Variants in TRAPPC9 observed in about 807,000 individuals in gnomAD.
TRAPPC9 encodes IKK2 binding protein.
Under a neutral mutation model 124.0 loss-of-function variants are expected in TRAPPC9, and 83 were observed. That is an observed-to-expected ratio of 0.67 (90% CI 0.56 to 0.80). The LOEUF (loss-of-function observed/expected upper bound fraction) is 0.80. TRAPPC9 is among the 30% of genes least tolerant of loss of function. The probability of loss-of-function intolerance (pLI) is 0.00; values close to 1 mark genes in which losing one functional copy is unlikely to be tolerated. For synonymous variants in TRAPPC9, 638 were observed against 617.5 expected (o/e 1.03, Z -0.49); for missense variants, 1,302 against 1,508.3 (o/e 0.86, Z 2.27).
intron 17 of TRAPPC9, among the ~76,000 whole-genome samples, chr8:140,128,598 T>G (rs1587767124): frequency 6.6e-6 from 1 of 152,256 alleles, no homozygotes. Flanking sequence ...GAATACCCAC[T>G]GTGCTCCTTG....
chr8:139,756,703 C>A (rs566144371), intron 21 of TRAPPC9, among the ~76,000 whole-genome samples: 1 of 24,650 alleles, frequency 4.1e-5, no homozygotes, highest in Non-Finnish European at 7.6e-5. Context: ...AGGAGCCAGG[C>A]TTTGGGGATG....
intron 16 of TRAPPC9, chr8:140,238,388 A>C (rs2063772514): frequency 6.6e-6 from 1 of 152,216 alleles, no homozygotes. Context: ...CGGGTGTTGG[A>C]AAACTTTCAG....
At chr8:140,046,201 C>T (rs964020741) in intron 17 of TRAPPC9, among the ~76,000 whole-genome samples, 3 of 152,236 alleles carry the variant, frequency 2.0e-5, no homozygotes, top group African/African-American at 7.2e-5. Flanking sequence ...TTGGCACGGT[C>T]CACGGTGCAA....
chr8:139,985,978 C>T (rs2131692650), intron 19 of TRAPPC9, among the ~76,000 whole-genome samples: 1 of 152,332 alleles, frequency 6.6e-6, no homozygotes, highest in Non-Finnish European at 1.5e-5. Context: ...GGCCTAGTGG[C>T]TCTTGCCTGT....
intron 17 of TRAPPC9, among the ~76,000 whole-genome samples, chr8:140,069,677 C>T (rs1331678058): frequency 6.6e-6 from 1 of 152,020 alleles, no homozygotes; most frequent in Non-Finnish European, 1.5e-5. Flanking sequence ...TCTAGAGGAC[C>T]AATCAGACAC....
At chr8:139,774,587 C>T (rs756827698) in intron 21 of TRAPPC9, among the ~76,000 whole-genome samples, 1 of 152,202 alleles carries the variant, frequency 6.6e-6, no homozygotes, top group Non-Finnish European at 1.5e-5. Flanking sequence ...CTCCCTGGCT[C>T]ACCTGCCTTA....
At chr8:140,115,014 C>A (rs2060852563) in intron 17 of TRAPPC9, among the ~76,000 whole-genome samples, 2 of 152,108 alleles carry the variant, frequency 1.3e-5, no homozygotes, top group Admixed American at 1.3e-4. Context: ...GAAGGAAGCC[C>A]ACAATGTAAG....
At chr8:140,272,090 G>GCA (rs2064914826) in intron 15 of TRAPPC9, among the ~76,000 whole-genome samples, 5 of 74,104 alleles carry the variant, frequency 6.7e-5, no homozygotes, top group Non-Finnish European at 1.1e-4. Flanking sequence ...TGGTTGTGTT[G>GCA]ATGATGAGGT....
At chr8:140,308,460 C>G (rs1377046970) in intron 10 of TRAPPC9, among the ~76,000 whole-genome samples, 2 of 151,886 alleles carry the variant, frequency 1.3e-5, no homozygotes, top group Non-Finnish European at 2.9e-5. Context: ...TTCAATGAGA[C>G]CAGGTACGAT....
rs1001613137 is a variant in TRAPPC9, at chr8:139,900,226, C to T, written c.2964+9921G>A. On this transcript the variant is annotated intron_variant, in intron 20 of 22. Transcript: ENST00000438773. Reference sequence around the variant, plus strand: ...TGCGTGTGTGCCTGGGTCCTCACTTCCAGAGACGGCGCTGTTTGCTGTCTT... The same window carrying T: ...TGCGTGTGTGCCTGGGTCCTCACTTTCAGAGACGGCGCTGTTTGCTGTCTT... Among the ~76,000 whole-genome samples, 12 of 152,220 alleles carry T rather than the reference C, an allele frequency of 7.9e-5. 1 individual carries two copies. Among genetic ancestry groups the T allele is most frequent in the Admixed American group, 7.2e-4 (11 of 15,284 alleles).
intron 9 of TRAPPC9, among the ~76,000 whole-genome samples, chr8:140,324,004 T>C (rs1022293388): frequency 6.6e-6 from 1 of 152,200 alleles, no homozygotes; most frequent in Non-Finnish European, 1.5e-5. Flanking sequence ...ACCCTAGCGA[T>C]ATACGCTGTA....
chr8:140,288,186 A>AT (rs541253864), intron 12 of TRAPPC9, among the ~76,000 whole-genome samples: 60 of 152,222 alleles, frequency 3.9e-4, no homozygotes, highest in Middle Eastern at 3.4e-3. Flanking sequence ...TACAAAAAAA[A>AT]TTTTTAATTA....
At chr8:140,073,545 A>T (rs1270589834) in intron 17 of TRAPPC9, among the ~76,000 whole-genome samples, 1 of 152,238 alleles carries the variant, frequency 6.6e-6, no homozygotes, top group Non-Finnish European at 1.5e-5. Context: ...GCGTATGGGG[A>T]TTAACCTAGA....
chr8:139,765,512 G>C (rs960612174), intron 21 of TRAPPC9, among the ~76,000 whole-genome samples: 2 of 152,230 alleles, frequency 1.3e-5, no homozygotes, highest in Admixed American at 1.3e-4. Flanking sequence ...AGAGATGAGG[G>C]CAAGAGGATT....
chr8:139,747,558 C>G (rs1397618333), intron 21 of TRAPPC9, among the ~76,000 whole-genome samples: 2 of 70,874 alleles, frequency 2.8e-5, no homozygotes, highest in African/African-American at 1.2e-4. Context: ...GGGGGGCGTA[C>G]AGGGGTCAGA....
chr8:139,923,629 G>A lies in TRAPPC9; in HGVS notation c.2811-13329C>T, dbSNP rs116732050. Among the ~76,000 whole-genome samples the A allele has an allele frequency of 5.8e-3, 880 of 152,300 alleles. 9 individuals carry two copies. The highest frequency in any genetic ancestry group is 0.02 in the African/African-American group (825 of 41,566). On this transcript the variant is annotated intron_variant, in intron 19 of 22. Transcript: ENST00000438773. ...GCTTCCCTGACGAAGCACGTCTGAG[G>A]AGGCCAGCACTGCACATGTGCAGAG...
chr8:140,346,941 A>G lies in TRAPPC9; in HGVS notation c.1495+13109T>C, dbSNP rs567288781. On this transcript the variant is annotated intron_variant, in intron 9 of 22. Transcript: ENST00000438773. ...GACACTTCCCAGCCCCTCGCTGTGA[A>G]GCTGAGTCAGCACATGGAGTGATGT... 2.6e-5 allele frequency among the ~76,000 whole-genome samples: 4 copies of G among 152,276 alleles called. No homozygotes were observed. In the South Asian group the frequency reaches 8.3e-4, roughly 32 times the overall value.
intron 10 of TRAPPC9, among the ~76,000 whole-genome samples, chr8:140,300,973 G>C (rs2065960646): frequency 6.6e-6 from 1 of 152,322 alleles, no homozygotes; most frequent in East Asian, 1.9e-4. Context: ...TAAGACGTAG[G>C]TTCCTTGTGT....
At chr8:140,456,398 C>T (rs888507050) in intron 1 of TRAPPC9, among the ~76,000 whole-genome samples, 4 of 141,648 alleles carry the variant, frequency 2.8e-5, no homozygotes, top group African/African-American at 8.0e-5. Flanking sequence ...GGCGACAGTG[C>T]GAGACTCCGT....
Sources: allele counts gnomAD v4.1 joint callset (sites outside exome capture counted in the v4.1 genomes callset), GRCh38; gene constraint gnomAD v4.1.1; transcripts MANE v1.5; gene names NCBI Gene and HGNC (gene_info 2026-07-23, HGNC 2026-07-21).